The following BICD2 variants were observed in gnomAD, a reference collection of about 807,000 sequenced individuals.
BICD2 encodes BICD cargo adaptor 2, also known as protein bicaudal D homolog 2.
A neutral mutation model predicts 72.9 loss-of-function variants in BICD2; 25 were observed. The observed-to-expected ratio is 0.34, with a 90% CI of 0.25 to 0.48. The LOEUF (loss-of-function observed/expected upper bound fraction) is 0.48, where lower values mean the gene tolerates loss of function less well. Ranked by LOEUF, BICD2 falls within the 20% of genes least tolerant of loss-of-function variation. BICD2 has a pLI of 0.99. For synonymous variants in BICD2, 501 were observed against 516.1 expected (o/e 0.97, Z 0.40); for missense variants, 894 against 1,175.2 (o/e 0.76, Z 3.50).
chr9:92,764,180 G>C lies in BICD2; in HGVS notation c.240+325C>G, dbSNP rs1854432325. 3.3e-5 allele frequency among the ~76,000 whole-genome samples: 5 copies of C among 151,156 alleles called. No homozygotes were observed. In the South Asian group the frequency reaches 1.1e-3, roughly 32 times the overall value. On this transcript the variant is annotated intron_variant, in intron 1 of 6. Transcript: ENST00000356884. The surrounding 1 kb of genome is among the most constrained non-coding windows in gnomAD (Gnocchi z 5.5). The stretch of plus-strand genomic sequence containing the variant: ...CCCACCCCACACTCAGACACACCCG[G>C]AACAGCGACCACCGCAAAGCATCAG...
At position 92,718,938 on chromosome 9, in the gene BICD2, G is replaced by A. The variant is rs552160043; in HGVS notation, c.1707C>T (p.Pro569=). The change falls in exon 5 of 7, where the codon CCC becomes CCT. Residue 569 remains proline (P), a synonymous_variant. Transcript: ENST00000356884. ...GCGCCTCGGGGCTGGTGCGGCCCCCGGGACTGGTGCGGCCGGCCCCGCCCT... is the reference window on the plus strand; with the variant it reads ...GCGCCTCGGGGCTGGTGCGGCCCCCAGGACTGGTGCGGCCGGCCCCGCCCT... ...EGQGGAGRTS[P]GGRTSPEARG... is the part of the protein sequence containing the mutation. The A allele has an allele frequency of 2.2e-5, 35 of 1,608,954 alleles. No individual in the cohort carries two copies. Among genetic ancestry groups the A allele is most frequent in the Middle Eastern group, 3.8e-4 (2 of 5,242 alleles).
chr9:92,755,002 G>A (rs1050814474), intron 1 of BICD2, among the ~76,000 whole-genome samples: 3 of 151,990 alleles, frequency 2.0e-5, no homozygotes, highest in African/African-American at 4.8e-5. Flanking sequence ...CTGGTGAGCC[G>A]GGCAGAACAG....
At chr9:92,749,349 T>C (rs1854097886) in intron 1 of BICD2, among the ~76,000 whole-genome samples, 1 of 152,184 alleles carries the variant, frequency 6.6e-6, no homozygotes, top group Non-Finnish European at 1.5e-5. Flanking sequence ...TGGCCCACCC[T>C]TCCTACTGGG....
chr9:92,732,827 G>A (rs1035144493), intron 1 of BICD2, among the ~76,000 whole-genome samples: 3 of 152,094 alleles, frequency 2.0e-5, no homozygotes, highest in Non-Finnish European at 4.4e-5. Flanking sequence ...TCAGGCAGAA[G>A]AAAAATAATA....
chr9:92,756,275 T>A (rs1037898798), intron 1 of BICD2, among the ~76,000 whole-genome samples: 2 of 145,716 alleles, frequency 1.4e-5, no homozygotes, highest in Non-Finnish European at 3.0e-5. Context: ...TTTTTTTTTT[T>A]GTCTGAGACG....
At chr9:92,763,618 G>A (rs937790404) in intron 1 of BICD2, among the ~76,000 whole-genome samples, 3 of 152,194 alleles carry the variant, frequency 2.0e-5, no homozygotes, top group African/African-American at 7.2e-5. Flanking sequence ...TCAGGGAACG[G>A]GAGAAGAGAA....
intron 1 of BICD2, among the ~76,000 whole-genome samples, chr9:92,762,685 T>C (rs899535284): frequency 1.1e-4 from 16 of 152,276 alleles, no homozygotes; most frequent in African/African-American, 3.6e-4. Context: ...AGCAAAGACC[T>C]GACAAATGAA....
At chr9:92,739,781 C>G (rs192690893) in intron 1 of BICD2, among the ~76,000 whole-genome samples, 2 of 152,304 alleles carry the variant, frequency 1.3e-5, no homozygotes, top group African/African-American at 4.8e-5. Context: ...AAAGGGAAAT[C>G]AGGTGTTTCC....
intron 1 of BICD2, among the ~76,000 whole-genome samples, chr9:92,741,699 T>C (rs542301632): frequency 2.6e-5 from 4 of 152,252 alleles, no homozygotes; most frequent in East Asian, 3.9e-4. Context: ...TGGAGAAGCA[T>C]TGGTAAATGA....
chr9:92,739,385 A>G (rs959509707), intron 1 of BICD2, among the ~76,000 whole-genome samples: 3 of 152,154 alleles, frequency 2.0e-5, no homozygotes, highest in African/African-American at 7.2e-5. Flanking sequence ...TGAGACCACA[A>G]ATCCTCCCAT....
rs528422760 is a variant in BICD2 at position 92,764,737 on chromosome 9, G to A, written c.8C>T (p.Ala3Val). MS[A>V]PSEEEEYARL... ...CGCGTACTCCTCCTCCTCCGACGGC[G>A]CCGACATGGTGGCCGAGGGCTGAGC... The change falls in exon 1 of 7, where the codon GCG (alanine) becomes GTG (valine). Residue 3 changes from alanine to valine, a missense_variant. Physicochemically the swap from Ala to Val is moderately conservative, Grantham distance 64. This residue lies in a region of BICD2 where 192 missense variants were observed against 243.6 expected (regional missense o/e 0.79). Transcript: ENST00000356884. This position sits in a 1 kb window ranked among gnomAD's most constrained non-coding sequence, Gnocchi z 5.5. The A allele has an allele frequency of 9.6e-6, 15 of 1,568,190 alleles. No individual in the cohort carries two copies. In the South Asian group the frequency reaches 1.0e-4, roughly 11 times the overall value.
In BICD2 at chr9:92,719,212, C is replaced by T. The variant is rs1218802651; in HGVS notation, c.1433G>A (p.Gly478Asp). The T allele has an allele frequency of 3.1e-6, 5 of 1,611,198 alleles. No homozygotes were observed. In the East Asian group the frequency reaches 6.7e-5, roughly 22 times the overall value. ...AEEKGRYEAE[G>D]QALTEKVSLL... ...GGAGACCTTCTCCGTGAGTGCCTGG[C>T]CCTCAGCCTCATAGCGGCCCTTCTC... Residue 478 changes from glycine to aspartate, a missense_variant, in exon 5 of 7, where the codon GGC becomes GAC. Gly to Asp is a moderately conservative substitution (Grantham distance 94). This residue lies in a region of BICD2 where 371 missense variants were observed against 439.1 expected (regional missense o/e 0.84). Transcript: ENST00000356884.
At chr9:92,745,014 C>T (rs1188494609) in intron 1 of BICD2, among the ~76,000 whole-genome samples, 2 of 152,110 alleles carry the variant, frequency 1.3e-5, no homozygotes, top group Non-Finnish European at 2.9e-5. Context: ...AGTTAAATTG[C>T]TTGTTATTCA....
At chr9:92,735,660 G>A (rs1265178249) in intron 1 of BICD2, among the ~76,000 whole-genome samples, 1 of 151,888 alleles carries the variant, frequency 6.6e-6, no homozygotes, top group Non-Finnish European at 1.5e-5. Flanking sequence ...GCAGGGAGGG[G>A]CAGGCCTGGG....
intron 1 of BICD2, among the ~76,000 whole-genome samples, chr9:92,745,354 T>C (rs1039029907): frequency 6.6e-6 from 1 of 151,798 alleles, no homozygotes; most frequent in African/African-American, 2.4e-5. Flanking sequence ...TGCCTACTGT[T>C]CAGCCCAGTA....
intron 1 of BICD2, among the ~76,000 whole-genome samples, chr9:92,731,204 A>G (rs1310965840): frequency 6.6e-6 from 1 of 152,204 alleles, no homozygotes; most frequent in African/African-American, 2.4e-5. Context: ...TCCAGCACAC[A>G]TGGCTGCTCA....
chr9:92,747,522 G>T (rs1854039933), intron 1 of BICD2, among the ~76,000 whole-genome samples: 1 of 152,138 alleles, frequency 6.6e-6, no homozygotes, highest in Non-Finnish European at 1.5e-5. Context: ...TCAGTAGGGA[G>T]GGCCAGACTC....
chr9:92,741,618 G>C (rs2131522148), intron 1 of BICD2, among the ~76,000 whole-genome samples: 1 of 152,216 alleles, frequency 6.6e-6, no homozygotes, highest in South Asian at 2.1e-4. Context: ...AGCATCAATA[G>C]AGTAAATCTT....
At chr9:92,729,994 T>C (rs1172209433) in intron 1 of BICD2, among the ~76,000 whole-genome samples, 3 of 152,192 alleles carry the variant, frequency 2.0e-5, no homozygotes, top group Admixed American at 6.5e-5. Flanking sequence ...AGCTGTGTCA[T>C]GTCCATGCCC....
Sources: gnomAD v4.1 joint callset for allele counts (sites outside exome capture counted in the v4.1 genomes callset) on GRCh38, gnomAD v4.1.1 for gene constraint, gnomAD v4.1.1 regional missense constraint, Gnocchi (gnomAD v3.1) non-coding constraint, MANE v1.5 for transcripts, NCBI Gene and HGNC (gene_info 2026-07-23, HGNC 2026-07-21) for gene names.